GRID2: variants seen among roughly 807,000 people sequenced by gnomAD.
GRID2 encodes glutamate receptor ionotropic, delta-2.
GRID2 carries 33 observed loss-of-function variants against 114.8 expected under a neutral mutation model. The ratio of observed to expected loss-of-function variants is 0.29; its 90% CI spans 0.22 to 0.38. The LOEUF (loss-of-function observed/expected upper bound fraction) is 0.38, where lower values mean the gene tolerates loss of function less well. Ranked by LOEUF, GRID2 falls within the 10% of genes least tolerant of loss-of-function variation. GRID2 has a pLI of 1.00. For synonymous variants in GRID2, 505 were observed against 449.9 expected, an observed-to-expected ratio of 1.12 and a Z score of -1.55; for missense variants, 1,184 against 1,257.7, an observed-to-expected ratio of 0.94 and a Z score of 0.89.
At chr4:93,440,328 G>T (rs1330905441) in intron 10 of GRID2, among the ~76,000 whole-genome samples, 3 of 151,996 alleles carry the variant, frequency 2.0e-5, no homozygotes, top group Admixed American at 2.0e-4. Context: ...GAAATGAGGA[G>T]ATAGCTTTGC....
intron 2 of GRID2, among the ~76,000 whole-genome samples, chr4:92,793,630 T>C (rs934572648): frequency 2.0e-5 from 3 of 151,886 alleles, no homozygotes; most frequent in Non-Finnish European, 4.4e-5. Context: ...GAATATGTTA[T>C]GCATTTAATT....
chr4:93,104,552 G>A (rs1203633653), intron 3 of GRID2, among the ~76,000 whole-genome samples: 2 of 151,610 alleles, frequency 1.3e-5, no homozygotes, highest in Non-Finnish European at 2.9e-5. Context: ...GTGAGAACAT[G>A]CGGTGTTTGG....
intron 2 of GRID2, among the ~76,000 whole-genome samples, chr4:93,007,691 A>G (rs1721695576): frequency 6.6e-6 from 1 of 152,146 alleles, no homozygotes; most frequent in African/African-American, 2.4e-5. Flanking sequence ...TAAAAGGGGT[A>G]GAATGATAAA....
At chr4:92,615,518 G>C (rs1158297966) in intron 2 of GRID2, among the ~76,000 whole-genome samples, 1 of 151,598 alleles carries the variant, frequency 6.6e-6, no homozygotes, top group Non-Finnish European at 1.5e-5. Context: ...GTGTTTTAAA[G>C]TGTTTCTCTT....
intron 14 of GRID2, among the ~76,000 whole-genome samples, chr4:93,673,118 TAGC>T (rs980507212): frequency 9.2e-5 from 14 of 152,302 alleles, no homozygotes; most frequent in South Asian, 4.1e-4. Context: ...GCTGGGCAAA[TAGC>T]AGCAACATCC....
chr4:92,928,876 G>A (rs766423088), intron 2 of GRID2, among the ~76,000 whole-genome samples: 1 of 151,298 alleles, frequency 6.6e-6, no homozygotes, highest in Non-Finnish European at 1.5e-5. Context: ...GTTATTTTTT[G>A]AGAACCATCT....
chr4:93,309,330 T>C (rs1560482527), intron 8 of GRID2, among the ~76,000 whole-genome samples: 1 of 152,144 alleles, frequency 6.6e-6, no homozygotes, highest in Non-Finnish European at 1.5e-5. Context: ...AGGCTAAGAG[T>C]TCCAGACCAG....
At chr4:93,385,348 A>G (rs900460021) in intron 8 of GRID2, among the ~76,000 whole-genome samples, 1 of 152,216 alleles carries the variant, frequency 6.6e-6, no homozygotes, top group Non-Finnish European at 1.5e-5. Context: ...CAATCATATT[A>G]AACAATTGTA....
intron 1 of GRID2, among the ~76,000 whole-genome samples, chr4:92,359,770 G>A (rs954604492): frequency 7.2e-5 from 11 of 151,918 alleles, no homozygotes; most frequent in Admixed American, 7.2e-4. Flanking sequence ...AGCATGGTCT[G>A]TCTAGTTGCC....
At chr4:92,653,816 A>G (rs777861338) in intron 2 of GRID2, among the ~76,000 whole-genome samples, 3 of 152,088 alleles carry the variant, frequency 2.0e-5, no homozygotes, top group African/African-American at 7.2e-5. Flanking sequence ...ATGCCCAAGC[A>G]TATTATGAAA....
At chr4:93,731,662 C>G (rs1307232164) in intron 14 of GRID2, among the ~76,000 whole-genome samples, 2 of 152,190 alleles carry the variant, frequency 1.3e-5, no homozygotes, top group Non-Finnish European at 1.5e-5. Flanking sequence ...ACAGCTGAGT[C>G]ACGCAGAGGA....
At chr4:93,236,913 TTAAG>T (rs536046180) in intron 7 of GRID2, among the ~76,000 whole-genome samples, 51 of 152,052 alleles carry the variant, frequency 3.4e-4, no homozygotes, top group Non-Finnish European at 7.1e-4. Context: ...AAATAAAGAA[TTAAG>T]TAACAGTGGA....
chr4:93,142,691 A>G (rs576457144), intron 4 of GRID2, among the ~76,000 whole-genome samples: 77 of 152,334 alleles, frequency 5.1e-4, no homozygotes, highest in Non-Finnish European at 8.7e-4. Flanking sequence ...TGCATAAACA[A>G]GACTTATTTT....
intron 14 of GRID2, among the ~76,000 whole-genome samples, chr4:93,696,138 G>T (rs1225636722): frequency 6.6e-6 from 1 of 152,128 alleles, no homozygotes; most frequent in Admixed American, 6.5e-5. Context: ...AGCTGATGAA[G>T]TATAACCTAA....
intron 1 of GRID2, among the ~76,000 whole-genome samples, chr4:92,404,330 A>G (rs184396481): frequency 1.7e-3 from 258 of 152,324 alleles, no homozygotes; most frequent in Non-Finnish European, 3.3e-3. Flanking sequence ...TCAAACCACA[A>G]TGAGATAACA....
chr4:92,538,159 C>G (rs1033550764), intron 1 of GRID2, among the ~76,000 whole-genome samples: 1 of 152,090 alleles, frequency 6.6e-6, no homozygotes, highest in Admixed American at 6.5e-5. Flanking sequence ...TAAGGGCTAA[C>G]ATTTTGCATG....
At chr4:92,774,610 TCTCA>T (rs1398565240) in intron 2 of GRID2, among the ~76,000 whole-genome samples, 1 of 144,082 alleles carries the variant, frequency 6.9e-6, no homozygotes, top group African/African-American at 2.6e-5. Context: ...TGAGACAGTG[TCTCA>T]CTCTGTCACC....
chr4:92,505,586 G>C (rs1487330627), intron 1 of GRID2, among the ~76,000 whole-genome samples: 1 of 151,938 alleles, frequency 6.6e-6, no homozygotes, highest in Non-Finnish European at 1.5e-5. Context: ...CTTTGTTAGA[G>C]TCTGGAAAAC....
chr4:93,790,333 A>G (rs1228405536), intron 1 of GRID2, among the ~76,000 whole-genome samples: 4 of 152,226 alleles, frequency 2.6e-5, no homozygotes, highest in African/African-American at 9.6e-5. Flanking sequence ...TAAAATGAGC[A>G]TGACTAATTC....
Sources: gnomAD v4.1 joint callset for allele counts (sites outside exome capture counted in the v4.1 genomes callset) on GRCh38, gnomAD v4.1.1 for gene constraint, MANE v1.5 for transcripts, NCBI Gene and HGNC (gene_info 2026-07-23, HGNC 2026-07-21) for gene names.